CTNNA3: variants seen among roughly 807,000 people sequenced by gnomAD.
CTNNA3 encodes the protein catenin alpha 3.
In CTNNA3, 76 loss-of-function variants were observed where a neutral mutation model predicts 95.7. The observed-to-expected ratio is 0.79, with a 90% CI of 0.66 to 0.96. The LOEUF (loss-of-function observed/expected upper bound fraction) is 0.96, where lower values mean the gene tolerates loss of function less well. CTNNA3 is among the 40% of genes least tolerant of loss of function. The pLI, the probability that CTNNA3 is intolerant of heterozygous loss-of-function variation, is 0.00. For missense variants in CTNNA3, 1,191 were observed against 1,089.8 expected (o/e 1.09, Z -1.31); for synonymous variants, 431 against 374.4 (o/e 1.15, Z -1.74).
At chr10:66,055,421 A>G (rs1401853504) in intron 15 of CTNNA3, among the ~76,000 whole-genome samples, 1 of 152,140 alleles carries the variant, frequency 6.6e-6, no homozygotes, top group Non-Finnish European at 1.5e-5. Context: ...GTTTTATTGT[A>G]CAGATATTTC....
chr10:67,729,069 T>A (rs1841259882), intron 1 of CTNNA3, among the ~76,000 whole-genome samples: 1 of 152,166 alleles, frequency 6.6e-6, no homozygotes. Context: ...TAAATTACAC[T>A]TTTAATTTTT....
At chr10:67,165,827 G>C (rs983113422) in intron 7 of CTNNA3, among the ~76,000 whole-genome samples, 4 of 152,050 alleles carry the variant, frequency 2.6e-5, no homozygotes, top group Non-Finnish European at 2.9e-5. Flanking sequence ...ATAAAAGTCA[G>C]AAACTAAATA....
intron 7 of CTNNA3, among the ~76,000 whole-genome samples, chr10:67,087,611 G>T (rs1341400138): frequency 6.6e-6 from 1 of 151,770 alleles, no homozygotes; most frequent in Non-Finnish European, 1.5e-5. Flanking sequence ...AAATAAAGTG[G>T]ATCTCAAACA....
chr10:66,520,658 A>G lies in CTNNA3; in HGVS notation c.1490T>C (p.Val497Ala). The change falls in exon 11 of 18, where the codon GTA becomes GCA. Residue 497 changes from valine (V) to alanine (A), a missense_variant. Transcript: ENST00000433211. The stretch of plus-strand genomic sequence containing the variant: ...GTCATCAATGCTTGTAATGTCATCT[A>G]CGGCTTCAGTGAGGACATGTATATG... ...ENHIHVLTEA[V>A]DDITSIDDFL... 1 of 1,610,704 alleles carries G rather than the reference A, an allele frequency of 6.2e-7. No homozygotes were observed. Among genetic ancestry groups the G allele is most frequent in the Non-Finnish European group, 8.5e-7 (1 of 1,178,130 alleles).
intron 5 of CTNNA3, among the ~76,000 whole-genome samples, chr10:67,432,123 T>C (rs1332863276): frequency 6.6e-6 from 1 of 152,018 alleles, no homozygotes; most frequent in East Asian, 1.9e-4. Context: ...TTTATATCGC[T>C]AAATGCCTAT....
intron 9 of CTNNA3, among the ~76,000 whole-genome samples, chr10:66,702,770 G>A (rs535970845): frequency 1.4e-4 from 21 of 148,826 alleles, no homozygotes; most frequent in African/African-American, 3.9e-4. Flanking sequence ...AGTAGCCATC[G>A]TCGTCGTCGT....
intron 10 of CTNNA3, 138 bp downstream of exon 10, chr10:66,621,554 T>C: frequency 2.0e-6 from 1 of 507,942 alleles, no homozygotes; most frequent in Non-Finnish European, 3.5e-6. Context: ...ATTGCGCCAC[T>C]GCATTCCAGC....
chr10:65,992,892 CTT>C (rs1444090190), intron 15 of CTNNA3, among the ~76,000 whole-genome samples: 1 of 152,098 alleles, frequency 6.6e-6, no homozygotes, highest in African/African-American at 2.4e-5. Flanking sequence ...GAACTTCCCT[CTT>C]AGCACTGCTT....
intron 7 of CTNNA3, among the ~76,000 whole-genome samples, chr10:66,991,273 C>T (rs1302111384): frequency 1.3e-5 from 2 of 152,088 alleles, no homozygotes; most frequent in Admixed American, 6.6e-5. Flanking sequence ...ATGATCTGCA[C>T]ATTACTTATC....
chr10:66,367,695 A>ATAT (rs2092719936), intron 12 of CTNNA3, among the ~76,000 whole-genome samples: 1 of 149,316 alleles, frequency 6.7e-6, no homozygotes, highest in Admixed American at 6.7e-5. Flanking sequence ...CCGAATTTTA[A>ATAT]AATTTTGGGG....
At chr10:66,347,575 CTGTACT>C (rs2092533279) in intron 12 of CTNNA3, among the ~76,000 whole-genome samples, 4 of 151,842 alleles carry the variant, frequency 2.6e-5, no homozygotes, top group Non-Finnish European at 5.9e-5. Flanking sequence ...GATCCTGCCA[CTGTACT>C]CTTGCCTGAG....
Position 67,696,025 on chromosome 10 carries a change from A to T in CTNNA3, c.-31T>A, listed in dbSNP as rs1840957372. Reference sequence around the variant, plus strand: ...CTTTCTGTTTCTTCCTATAAAGTAAATGGGCTTAAAATTCAGCTCCCGTAG... The same window carrying T: ...CTTTCTGTTTCTTCCTATAAAGTAATTGGGCTTAAAATTCAGCTCCCGTAG... On this transcript the variant is annotated 5_prime_UTR_variant, in exon 1 of 18. Transcript: ENST00000433211. 6.6e-6 allele frequency: 1 copy of T among 152,016 alleles called. No homozygotes were observed. 9.4% of individuals were successfully genotyped at this position (152,016 alleles called of 1,614,324 possible).
At chr10:67,200,980 G>A (rs917273467) in intron 6 of CTNNA3, among the ~76,000 whole-genome samples, 3 of 151,996 alleles carry the variant, frequency 2.0e-5, no homozygotes, top group African/African-American at 4.8e-5. Context: ...TGACCCCAAC[G>A]GATGCTCTCT....
chr10:66,852,111 G>A (rs12769330), intron 7 of CTNNA3, among the ~76,000 whole-genome samples: 87,816 of 152,042 alleles, frequency 0.58, 26,398 homozygotes, highest in Non-Finnish European at 0.63. Context: ...TTTACATTTT[G>A]AATGGTTCAA....
intron 12 of CTNNA3, among the ~76,000 whole-genome samples, chr10:66,322,169 A>T (rs1359245682): frequency 6.6e-6 from 1 of 152,100 alleles, no homozygotes; most frequent in East Asian, 1.9e-4. Flanking sequence ...TCACACACTT[A>T]TATCTGTTTT....
intron 15 of CTNNA3, among the ~76,000 whole-genome samples, chr10:66,048,499 G>A (rs7904167): frequency 0.13 from 19,355 of 152,128 alleles, 1,216 homozygotes; most frequent in Non-Finnish European, 0.15. Flanking sequence ...GGTGGCTCAC[G>A]CCTATAATCC....
At chr10:66,376,120 A>G (rs986382806) in intron 12 of CTNNA3, among the ~76,000 whole-genome samples, 1 of 152,188 alleles carries the variant, frequency 6.6e-6, no homozygotes, top group Non-Finnish European at 1.5e-5. Flanking sequence ...GCGTTCATAA[A>G]TCACACAAAA....
Position 67,504,695 on chromosome 10 carries a change from A to T in CTNNA3, c.579+17147T>A, listed in dbSNP as rs141871136. Among the ~76,000 whole-genome samples, 103 of 152,224 alleles carry T rather than the reference A, an allele frequency of 6.8e-4. 2 individuals carry two copies. In the East Asian group the frequency reaches 0.018, roughly 27 times the overall value. On this transcript the variant is annotated intron_variant, in intron 5 of 17. Transcript: ENST00000433211. ...GATTCCTTCCCTGGATAAACATCCG[A>T]TCATTTTTTTATGGATCCAATTCTA...
intron 9 of CTNNA3, among the ~76,000 whole-genome samples, chr10:66,643,645 CAT>C (rs2132387226): frequency 6.6e-6 from 1 of 152,242 alleles, no homozygotes; most frequent in Admixed American, 6.5e-5. Flanking sequence ...TGTTGTAACA[CAT>C]AAAGGGGTTC....
Sources: allele counts gnomAD v4.1 joint callset (sites outside exome capture counted in the v4.1 genomes callset), GRCh38; gene constraint gnomAD v4.1.1; transcripts MANE v1.5; gene names NCBI Gene and HGNC (gene_info 2026-07-23, HGNC 2026-07-21).